The following KCTD16 variants were observed in gnomAD, a reference collection of about 807,000 sequenced individuals.
The protein encoded by KCTD16 is BTB/POZ domain-containing protein KCTD16.
In KCTD16, 13 loss-of-function variants were observed where a neutral mutation model predicts 33.2. The ratio of observed to expected loss-of-function variants is 0.39; its 90% CI spans 0.25 to 0.62. KCTD16 has a LOEUF of 0.62. Among genes scored for constraint, KCTD16 ranks in the 20% least tolerant of loss-of-function variants. The probability of loss-of-function intolerance (pLI) is 0.50; values close to 1 mark genes in which losing one functional copy is unlikely to be tolerated. For missense variants in KCTD16, 441 were observed against 525.1 expected, an observed-to-expected ratio of 0.84 and a Z score of 1.57; for synonymous variants, 197 against 195.3, an observed-to-expected ratio of 1.01 and a Z score of -0.07.
chr5:144,409,585 G>A (rs754972300), intron 3 of KCTD16, among the ~76,000 whole-genome samples: 1 of 151,868 alleles, frequency 6.6e-6, no homozygotes, highest in Non-Finnish European at 1.5e-5. Context: ...CGGGCCAGAC[G>A]CTGTGGCTCA....
intron 3 of KCTD16, among the ~76,000 whole-genome samples, chr5:144,254,272 G>A (rs556665069): frequency 8.5e-5 from 13 of 152,116 alleles, no homozygotes; most frequent in African/African-American, 3.1e-4. Flanking sequence ...GAGTAGTGGG[G>A]ACTACAGGTG....
rs114016387 is a variant in KCTD16 at position 144,182,918 on chromosome 5, A to G, written c.-327+8446A>G. Among the ~76,000 whole-genome samples, 852 of 152,286 alleles carry G rather than the reference A, an allele frequency of 5.6e-3. 5 individuals are homozygous for G. The highest frequency in any genetic ancestry group is 0.01 in the Non-Finnish European group (705 of 68,024). On this transcript the variant is annotated intron_variant, in intron 2 of 3. Transcript: ENST00000512467. ...TGTTATTATTGTTTGTTGTTACTTA[A>G]CACATATACATACACAGAGTATCTT...
At chr5:144,353,314 A>G (rs2126909599) in intron 3 of KCTD16, among the ~76,000 whole-genome samples, 1 of 152,292 alleles carries the variant, frequency 6.6e-6, no homozygotes, top group African/African-American at 2.4e-5. Context: ...ACGATTTTCC[A>G]GGTACATTTA....
intron 3 of KCTD16, among the ~76,000 whole-genome samples, chr5:144,268,663 T>C (rs1755212503): frequency 6.6e-6 from 1 of 151,978 alleles, no homozygotes; most frequent in Admixed American, 6.6e-5. Flanking sequence ...AAATGTCCAC[T>C]TTTCCAAAAA....
intron 3 of KCTD16, among the ~76,000 whole-genome samples, chr5:144,466,820 A>G (rs1231257609): frequency 6.6e-6 from 1 of 151,216 alleles, no homozygotes; most frequent in African/African-American, 2.4e-5. Flanking sequence ...ACCATTCACT[A>G]ATAGGATTAT....
intron 3 of KCTD16, among the ~76,000 whole-genome samples, chr5:144,265,552 C>T (rs371532163): frequency 6.6e-6 from 1 of 152,190 alleles, no homozygotes; most frequent in African/African-American, 2.4e-5. Context: ...AACCTAAATG[C>T]TAACAATTTT....
chr5:144,177,978 G>A (rs1752541261), intron 2 of KCTD16, among the ~76,000 whole-genome samples: 1 of 152,124 alleles, frequency 6.6e-6, no homozygotes, highest in Admixed American at 6.5e-5. Context: ...TTGCAGAGTG[G>A]CAAACCTTTT....
intron 3 of KCTD16, among the ~76,000 whole-genome samples, chr5:144,243,735 C>A (rs1754467442): frequency 6.6e-6 from 1 of 151,672 alleles, no homozygotes; most frequent in African/African-American, 2.4e-5. Context: ...CATGAATACT[C>A]TTTTTTTTGT....
chr5:144,424,628 C>G (rs1408975368), intron 3 of KCTD16, among the ~76,000 whole-genome samples: 1 of 152,100 alleles, frequency 6.6e-6, no homozygotes, highest in Non-Finnish European at 1.5e-5. Context: ...GCTCATCGTT[C>G]TAGAGGCTGA....
At chr5:144,436,513 A>G (rs1357993610) in intron 3 of KCTD16, among the ~76,000 whole-genome samples, 3 of 152,068 alleles carry the variant, frequency 2.0e-5, no homozygotes, top group Non-Finnish European at 4.4e-5. Context: ...GTAGTTGGAG[A>G]CTACCTACTA....
chr5:144,219,866 G>A (rs913144243), intron 3 of KCTD16, among the ~76,000 whole-genome samples: 2 of 152,096 alleles, frequency 1.3e-5, no homozygotes, highest in Non-Finnish European at 2.9e-5. Flanking sequence ...TTTGGACCCA[G>A]CAGGAGAAAC....
intron 3 of KCTD16, among the ~76,000 whole-genome samples, chr5:144,378,728 A>G (rs1197369750): frequency 6.6e-6 from 1 of 152,202 alleles, no homozygotes; most frequent in African/African-American, 2.4e-5. Flanking sequence ...GATTAGCCCT[A>G]GTCAAGGCAA....
intron 3 of KCTD16, among the ~76,000 whole-genome samples, chr5:144,410,907 T>C (rs1013581895): frequency 1.3e-5 from 2 of 152,180 alleles, no homozygotes; most frequent in African/African-American, 4.8e-5. Context: ...TATCGTTCCC[T>C]ACCCTCTCAA....
chr5:144,387,876 T>G (rs1752360294), intron 3 of KCTD16, among the ~76,000 whole-genome samples: 1 of 152,122 alleles, frequency 6.6e-6, no homozygotes, highest in South Asian at 2.1e-4. Context: ...TCCCCCTTTT[T>G]AACTAATCAC....
chr5:144,402,272 A>G (rs887591921), intron 3 of KCTD16, among the ~76,000 whole-genome samples: 7 of 152,180 alleles, frequency 4.6e-5, no homozygotes, highest in Non-Finnish European at 7.3e-5. Flanking sequence ...TCACAATAGC[A>G]TCTGTGGCAG....
chr5:144,369,376 A>G (rs1338070896), intron 3 of KCTD16: 1 of 152,250 alleles, frequency 6.6e-6, no homozygotes, highest in Admixed American at 6.5e-5. Flanking sequence ...GGTCCTCCGT[A>G]TGAGATGGCA....
At chr5:144,310,497 T>A (rs1415184558) in intron 3 of KCTD16, among the ~76,000 whole-genome samples, 3 of 152,108 alleles carry the variant, frequency 2.0e-5, no homozygotes, top group African/African-American at 7.2e-5. Context: ...ATAGTGGCTA[T>A]GCTAATTTAC....
intron 3 of KCTD16, among the ~76,000 whole-genome samples, chr5:144,297,950 C>G (rs1580852859): frequency 1.3e-5 from 2 of 152,208 alleles, no homozygotes; most frequent in African/African-American, 4.8e-5. Context: ...GCTCACTGCT[C>G]TTTGCTGCCG....
chr5:144,412,325 G>GA (rs1752950465), intron 3 of KCTD16, among the ~76,000 whole-genome samples: 1 of 152,126 alleles, frequency 6.6e-6, no homozygotes, highest in Admixed American at 6.5e-5. Context: ...GTACCCAATG[G>GA]AAAATCATTA....
Sources: gnomAD v4.1 joint callset for allele counts (sites outside exome capture counted in the v4.1 genomes callset) on GRCh38, gnomAD v4.1.1 for gene constraint, MANE v1.5 for transcripts, NCBI Gene and HGNC (gene_info 2026-07-23, HGNC 2026-07-21) for gene names.